BEGAIN: variants seen among roughly 807,000 people sequenced by gnomAD.
BEGAIN encodes the protein brain enriched guanylate kinase associated.
BEGAIN carries 19 observed loss-of-function variants against 35.8 expected under a neutral mutation model. That is an observed-to-expected ratio of 0.53 (90% CI 0.37 to 0.78). The LOEUF is 0.78. Ranked by LOEUF, BEGAIN falls within the 30% of genes least tolerant of loss-of-function variation. The probability of loss-of-function intolerance (pLI) is 0.00; values close to 1 mark genes in which losing one functional copy is unlikely to be tolerated. For missense variants in BEGAIN, 795 were observed against 853.6 expected (o/e 0.93, Z 0.85); for synonymous variants, 462 against 388.6 (o/e 1.19, Z -2.22).
intron 2 of BEGAIN, among the ~76,000 whole-genome samples, chr14:100,556,714 G>T (rs2033760329): frequency 6.6e-6 from 1 of 152,204 alleles, no homozygotes; most frequent in Non-Finnish European, 1.5e-5. Flanking sequence ...CCTGCTGCAG[G>T]ACTGGAGGTG....
chr14:100,556,475 C>T (rs952056486), intron 2 of BEGAIN, among the ~76,000 whole-genome samples: 25 of 152,142 alleles, frequency 1.6e-4, no homozygotes, highest in African/African-American at 5.8e-4. Flanking sequence ...GGAGATGGGA[C>T]GGCTGTAGTC....
intron 2 of BEGAIN, among the ~76,000 whole-genome samples, chr14:100,551,728 G>T (rs552135407): frequency 1.3e-5 from 2 of 152,130 alleles, no homozygotes; most frequent in African/African-American, 4.8e-5. Flanking sequence ...GTCACCATTA[G>T]CACCCATGGG....
chr14:100,556,347 C>G (rs1307509823), intron 2 of BEGAIN, among the ~76,000 whole-genome samples: 1 of 152,216 alleles, frequency 6.6e-6, no homozygotes, highest in Non-Finnish European at 1.5e-5. Flanking sequence ...CCCGCTGCCC[C>G]CCTCTTTCTG....
chr14:100,568,312 C>T lies in BEGAIN; in HGVS notation c.43-373G>A, dbSNP rs1035303723. 21 of 758,140 alleles carry T rather than the reference C, an allele frequency of 2.8e-5. No individual in the cohort carries two copies. The highest frequency in any genetic ancestry group is 2.8e-4 in the South Asian group (17 of 61,586). 47.0% of individuals were successfully genotyped at this position (758,140 alleles called of 1,614,324 possible). ...GGCGGCCGCGGCCCCGCTGCTCCCC[C>T]CGCCCCGCCCGTTAACCCTTCCTGC... On this transcript the variant is annotated intron_variant, in intron 1 of 6. Transcript: ENST00000554140. The surrounding 1 kb of genome is among the most constrained non-coding windows in gnomAD (Gnocchi z 7.5).
At chr14:100,553,002 C>A (rs192004005) in intron 2 of BEGAIN, among the ~76,000 whole-genome samples, 8 of 152,194 alleles carry the variant, frequency 5.3e-5, no homozygotes, top group Non-Finnish European at 1.2e-4. Flanking sequence ...GATGAGATGA[C>A]TCCAGGAGGC....
intron 2 of BEGAIN, among the ~76,000 whole-genome samples, chr14:100,561,565 A>T (rs2034258802): frequency 6.6e-6 from 1 of 152,046 alleles, no homozygotes; most frequent in African/African-American, 2.4e-5. Flanking sequence ...CCTGGGCGAC[A>T]TGGTGACACC....
chr14:100,541,731 A>T (rs1262654092), intron 5 of BEGAIN, among the ~76,000 whole-genome samples: 1 of 152,318 alleles, frequency 6.6e-6, no homozygotes, highest in African/African-American at 2.4e-5. Context: ...AGCCGGTGCC[A>T]TGCCCATAGC....
intron 1 of BEGAIN, among the ~76,000 whole-genome samples, chr14:100,572,030 G>A (rs553364895): frequency 6.0e-4 from 91 of 152,290 alleles, no homozygotes; most frequent in African/African-American, 2.1e-3. Flanking sequence ...AATGCAGTGC[G>A]TCTTAATCCC....
intron 2 of BEGAIN, among the ~76,000 whole-genome samples, chr14:100,554,698 T>C (rs966480711): frequency 6.6e-6 from 1 of 151,798 alleles, no homozygotes; most frequent in African/African-American, 2.4e-5. Context: ...AGGTCTCCTG[T>C]TCTCACCCTG....
At chr14:100,547,287 A>G (rs1459631866) in intron 2 of BEGAIN, 1 of 152,288 alleles carries the variant, frequency 6.6e-6, no homozygotes, top group Non-Finnish European at 1.5e-5. Context: ...GGCTGCATGC[A>G]GCACGGGAAA....
rs918733327 is a variant in BEGAIN at position 100,568,638 on chromosome 14, C to T, written c.43-699G>A. On this transcript the variant is annotated intron_variant, in intron 1 of 6. Coordinates refer to ENST00000554140, the MANE Select transcript of BEGAIN (RefSeq NM_001385089.1). The surrounding 1 kb of genome is among the most constrained non-coding windows in gnomAD (Gnocchi z 7.5). ...GCGCGCGGCTTGGAGACCCTCCCTG[C>T]CCAGCCCCGCTCAGCCGGGCAGCCC... 1.8e-5 allele frequency: 12 copies of T among 677,906 alleles called. No individual in the cohort carries two copies. Among genetic ancestry groups the T allele is most frequent in the Non-Finnish European group, 2.1e-5 (11 of 512,082 alleles). The allele number at this position is 677,906 out of a possible 1,614,324, so 42.0% of individuals were successfully genotyped here. A position where few individuals can be genotyped will look rare whatever the true frequency, so the allele number is the denominator to read the frequency against.
chr14:100,546,551 C>G lies in BEGAIN; in HGVS notation c.183G>C (p.Glu61Asp). The change falls in exon 3 of 7, where the codon GAG becomes GAC. Residue 61 changes from glutamate to aspartate, a missense_variant. By Grantham distance (45) the Glu-to-Asp change is conservative. This residue lies in a region of BEGAIN where 73 missense variants were observed against 143.2 expected (regional missense o/e 0.51). Coordinates refer to ENST00000554140, the MANE Select transcript of BEGAIN (RefSeq NM_001385089.1). ...CCAGTTCCTCCTGCGCGCGCCGCAG[C>G]TCGATCTCCAGGTAGTGGCGCGTGG... is the stretch of plus-strand genomic sequence containing the variant. ...FDSTRHYLEI[E>D]LRRAQEELEK... The G allele has an allele frequency of 6.3e-7, 1 of 1,583,628 alleles. No individual in the cohort carries two copies. The highest frequency in any genetic ancestry group is 1.4e-5 in the African/African-American group (1 of 72,068).
At chr14:100,582,529 C>G (rs552547703) in intron 1 of BEGAIN, among the ~76,000 whole-genome samples, 1 of 152,200 alleles carries the variant, frequency 6.6e-6, no homozygotes, top group Non-Finnish European at 1.5e-5. Flanking sequence ...TCACCTGCCC[C>G]GCTGTCCCTG....
chr14:100,577,615 A>G (rs1177080778), intron 1 of BEGAIN: 7 of 398,982 alleles, frequency 1.8e-5, no homozygotes, highest in Non-Finnish European at 2.2e-5. Flanking sequence ...CTCATCCAGG[A>G]ACCTGGAGAA....
In BEGAIN at chr14:100,586,089, T is replaced by G. The variant is rs965733471; in HGVS notation, c.42+1160A>C. Among the ~76,000 whole-genome samples, 4 of 152,250 alleles carry G rather than the reference T, an allele frequency of 2.6e-5. No individual in the cohort carries two copies. Among genetic ancestry groups the G allele is most frequent in the African/African-American group, 9.6e-5 (4 of 41,470 alleles). On this transcript the variant is annotated intron_variant, in intron 1 of 6. Coordinates refer to ENST00000554140, the MANE Select transcript of BEGAIN (RefSeq NM_001385089.1). This position sits in a 1 kb window ranked among gnomAD's most constrained non-coding sequence, Gnocchi z 4.9. Reference sequence around the variant, plus strand: ...ACCCCCAACGGCCAGTTGCCCCTGCTGGCAAGACCAAGGCCAGCCTGGCAG... The same window carrying G: ...ACCCCCAACGGCCAGTTGCCCCTGCGGGCAAGACCAAGGCCAGCCTGGCAG...
At chr14:100,543,373 G>A (rs1229769002) in intron 5 of BEGAIN, among the ~76,000 whole-genome samples, 2 of 151,256 alleles carry the variant, frequency 1.3e-5, no homozygotes, top group African/African-American at 2.4e-5. Flanking sequence ...CAAGGTAGAA[G>A]CTAATTCGTG....
At chr14:100,550,662 G>GTTT in intron 2 of BEGAIN, among the ~76,000 whole-genome samples, 1 of 152,174 alleles carries the variant, frequency 6.6e-6, no homozygotes, top group African/African-American at 2.4e-5. Context: ...AGGAAAACTT[G>GTTT]TCATCTGCAA....
In BEGAIN at chr14:100,586,033, G is replaced by T. The variant is rs1334444710; in HGVS notation, c.42+1216C>A. On this transcript the variant is annotated intron_variant, in intron 1 of 6. Transcript: ENST00000554140. The surrounding 1 kb of genome is among the most constrained non-coding windows in gnomAD (Gnocchi z 4.9). ...CTGGGGCCCTCTCTGCCGTCTCCCC[G>T]CCCTGCGTGTCACAGATGCCAGGCA... 6.6e-6 allele frequency among the ~76,000 whole-genome samples: 1 copy of T among 152,202 alleles called. No individual in the cohort carries two copies. Among genetic ancestry groups the T allele is most frequent in the Admixed American group, 6.5e-5 (1 of 15,290 alleles).
intron 1 of BEGAIN, chr14:100,569,369 G>C (rs960044619): frequency 6.6e-6 from 1 of 152,364 alleles, no homozygotes. Flanking sequence ...GGAGTTTGCC[G>C]GGAAGACTTT....
Sources: gnomAD v4.1 joint callset for allele counts (sites outside exome capture counted in the v4.1 genomes callset) on GRCh38, gnomAD v4.1.1 for gene constraint, gnomAD v4.1.1 regional missense constraint, Gnocchi (gnomAD v3.1) non-coding constraint, MANE v1.5 for transcripts, NCBI Gene and HGNC (gene_info 2026-07-23, HGNC 2026-07-21) for gene names.